EIF4E1B: variants seen among roughly 807,000 people sequenced by gnomAD.
The protein encoded by EIF4E1B is eukaryotic translation initiation factor 4E family member 1B, also known as eukaryotic translation initiation factor 4E type 1B.
Under a neutral mutation model 31.3 loss-of-function variants are expected in EIF4E1B, and 22 were observed. The ratio of observed to expected loss-of-function variants is 0.70; its 90% CI spans 0.50 to 1.00. EIF4E1B has a LOEUF of 1.00. EIF4E1B is among the 50% of genes least tolerant of loss of function. The pLI is 0.00. For missense variants in EIF4E1B, 290 were observed against 311.6 expected (o/e 0.93, Z 0.52); for synonymous variants, 126 against 120.2 (o/e 1.05, Z -0.31).
intron 1 of EIF4E1B, among the ~76,000 whole-genome samples, chr5:176,635,496 G>C (rs1000148037): frequency 3.3e-5 from 5 of 152,234 alleles, no homozygotes; most frequent in Non-Finnish European, 7.3e-5. Flanking sequence ...AGTCCAGAGT[G>C]TCGAGGTAAC....
intron 6 of EIF4E1B, chr5:176,644,656 A>T: frequency 1.8e-6 from 1 of 549,322 alleles, no homozygotes; most frequent in Non-Finnish European, 3.2e-6. Flanking sequence ...AGGCGGGAAG[A>T]GGGAGAGGGA....
Position 176,645,298 on chromosome 5 carries a change from G to A in EIF4E1B, c.474+55G>A, listed in dbSNP as rs1317185653. 1 of 1,580,424 alleles carries A rather than the reference G, an allele frequency of 6.3e-7. No individual in the cohort carries two copies. Among genetic ancestry groups the A allele is most frequent in the Non-Finnish European group, 8.6e-7 (1 of 1,158,774 alleles). On this transcript the variant is annotated intron_variant, in intron 7 of 8. Transcript: ENST00000318682. The surrounding 1 kb of genome is among the most constrained non-coding windows in gnomAD (Gnocchi z 5.4). ...AAGAGACGGGCTGTGTGGGTCTCATGGTGGCAGTGGTCTCAAGGATGGCAG... is the reference window on the plus strand; with the variant it reads ...AAGAGACGGGCTGTGTGGGTCTCATAGTGGCAGTGGTCTCAAGGATGGCAG...
At position 176,643,255 on chromosome 5, in the gene EIF4E1B, C is replaced by T. The variant is rs1222637588; in HGVS notation, c.189C>T (p.Pro63=). 1 of 1,612,136 alleles carries T rather than the reference C, an allele frequency of 6.2e-7. No individual in the cohort carries two copies. Among genetic ancestry groups the T allele is most frequent in the Non-Finnish European group, 8.5e-7 (1 of 1,179,806 alleles). Residue 63 remains proline (P), a synonymous_variant, in exon 4 of 9, where the codon CCC becomes CCT. Transcript: ENST00000318682. The part of the protein sequence containing the change: ...GPMEVKLELH[P]LQNRWALWFF... ...TGGAAGTCAAGCTGGAGCTGCACCC[C>T]TTGCAGAACAGGTAGGCAGGAGCCT...
chr5:176,631,802 C>G (rs933141591), intron 1 of EIF4E1B, among the ~76,000 whole-genome samples: 1 of 152,338 alleles, frequency 6.6e-6, no homozygotes, highest in South Asian at 2.1e-4. Flanking sequence ...AACAGCTCCC[C>G]TTCCAGGAAT....
chr5:176,637,263 ACT>A (rs1760510731), intron 1 of EIF4E1B, among the ~76,000 whole-genome samples: 1 of 152,060 alleles, frequency 6.6e-6, no homozygotes. Context: ...ACATGGTGAA[ACT>A]CTGTCTCTAT....
At chr5:176,641,899 C>T (rs1357360508) in intron 1 of EIF4E1B, 144 bp from the exon 2 acceptor site, 1 of 152,676 alleles carries the variant, frequency 6.5e-6, no homozygotes, top group Non-Finnish European at 1.5e-5. Flanking sequence ...TCCCAGTCCC[C>T]ACCCTCCCCA....
intron 1 of EIF4E1B, among the ~76,000 whole-genome samples, chr5:176,633,282 T>G (rs1299518542): frequency 6.6e-6 from 1 of 152,094 alleles, no homozygotes; most frequent in Admixed American, 6.6e-5. Flanking sequence ...CAGGCTGGAG[T>G]GCAGTGGCAC....
intron 1 of EIF4E1B, among the ~76,000 whole-genome samples, chr5:176,635,885 C>T (rs779691166): frequency 1.3e-5 from 2 of 151,906 alleles, no homozygotes; most frequent in Admixed American, 6.6e-5. Context: ...GGTGTAATCT[C>T]GGCTCACTGC....
intron 5 of EIF4E1B, 70 bp from the exon 6 acceptor site, chr5:176,644,306 G>A: frequency 6.7e-7 from 1 of 1,502,814 alleles, no homozygotes; most frequent in Admixed American, 2.1e-5. Flanking sequence ...GAGTTGGGAG[G>A]GCTGAACCCA....
In EIF4E1B at chr5:176,645,172, G is replaced by C; in HGVS notation, c.403G>C (p.Gly135Arg). ...PMWEDSRNKR[G>R]GRWLVSLAKQ... ...GTGGGAGGACAGCAGGAATAAACGG[G>C]GTGGCCGCTGGCTGGTCAGCCTGGC... Residue 135 changes from glycine (G) to arginine (R), a missense_variant, in exon 7 of 9, where the codon GGT becomes CGT. Gly to Arg is a moderately radical substitution (Grantham distance 125). Transcript: ENST00000318682. The surrounding 1 kb of genome is among the most constrained non-coding windows in gnomAD (Gnocchi z 5.4). The C allele has an allele frequency of 6.3e-7, 1 of 1,577,932 alleles. No individual in the cohort carries two copies. Among genetic ancestry groups the C allele is most frequent in the Non-Finnish European group, 8.6e-7 (1 of 1,161,944 alleles).
rs750550082 is a variant in EIF4E1B, at chr5:176,643,639, G to C, written c.201G>C (p.Arg67Ser). 1.0e-4 allele frequency: 166 copies of C among 1,604,748 alleles called. No individual in the cohort carries two copies. Among genetic ancestry groups the C allele is most frequent in the Non-Finnish European group, 1.4e-4 (162 of 1,175,740 alleles). Residue 67 changes from arginine to serine, a missense_variant and splice_region_variant, in exon 5 of 9, where the codon AGG (arginine) becomes AGC (serine). Coordinates refer to ENST00000318682, the MANE Select transcript of EIF4E1B (RefSeq NM_001099408.2). The part of the protein sequence containing the change: ...VKLELHPLQN[R>S]WALWFFKNDR... ...GGCTGCCTCCCCCTTCCCCTACCAGGTGGGCTCTGTGGTTCTTCAAGAATG... is the reference window on the plus strand; with the variant it reads ...GGCTGCCTCCCCCTTCCCCTACCAGCTGGGCTCTGTGGTTCTTCAAGAATG...
Position 176,645,537 on chromosome 5 carries a change from A to G in EIF4E1B, c.614+21A>G. On this transcript the variant is annotated intron_variant, in intron 8 of 8. Coordinates refer to ENST00000318682, the MANE Select transcript of EIF4E1B (RefSeq NM_001099408.2). The surrounding 1 kb of genome is among the most constrained non-coding windows in gnomAD (Gnocchi z 5.4). ...GTTGGGTGAGGAGGGTCTCTGGCAC[A>G]GGGTGGGGACTTGGGTCTCTGCTAG... 1 of 1,504,996 alleles carries G rather than the reference A, an allele frequency of 6.6e-7. No individual in the cohort carries two copies. The highest frequency in any genetic ancestry group is 8.9e-7 in the Non-Finnish European group (1 of 1,128,648). 93.2% of individuals were successfully genotyped at this position (1,504,996 alleles called of 1,614,324 possible).
rs371120970 is a variant in EIF4E1B, at chr5:176,642,651, C to T, written c.-78-59C>T. On this transcript the variant is annotated intron_variant, in intron 2 of 8. Coordinates refer to ENST00000318682, the MANE Select transcript of EIF4E1B (RefSeq NM_001099408.2). ...CCTCACATTCTGGGGTCACCCTCCACGGGATGCAGACCTTGCTTTCCCTTC... is the reference window on the plus strand; with the variant it reads ...CCTCACATTCTGGGGTCACCCTCCATGGGATGCAGACCTTGCTTTCCCTTC... 2.1e-5 allele frequency: 30 copies of T among 1,395,560 alleles called. 1 individual carries two copies. The highest frequency in any genetic ancestry group is 2.1e-4 in the South Asian group (15 of 70,842). The allele number at this position is 1,395,560 out of a possible 1,614,324, so 86.4% of individuals were successfully genotyped here. A position where few individuals can be genotyped will look rare whatever the true frequency, so the allele number is the denominator to read the frequency against.
chr5:176,640,333 C>T (rs964697481), intron 1 of EIF4E1B, among the ~76,000 whole-genome samples: 2 of 152,238 alleles, frequency 1.3e-5, no homozygotes, highest in African/African-American at 2.4e-5. Context: ...CCCTAGCTGA[C>T]CTCCCTTTGA....
rs1251638661 is a variant in EIF4E1B, at chr5:176,646,160, G to A, written c.*180G>A. 1 of 586,730 alleles carries A rather than the reference G, an allele frequency of 1.7e-6. No homozygotes were observed. The highest frequency in any genetic ancestry group is 3.1e-6 in the Non-Finnish European group (1 of 327,018). The allele number at this position is 586,730 out of a possible 1,614,324, so 36.3% of individuals were successfully genotyped here. A position where few individuals can be genotyped will look rare whatever the true frequency, so the allele number is the denominator to read the frequency against. On this transcript the variant is annotated 3_prime_UTR_variant, in exon 9 of 9. Transcript: ENST00000318682. ...GAGCCTTAGGGGCTAGATGGGGGTAGTGGTGGCAGTCTGAGGACCTAGCTT... is the reference window on the plus strand; with the variant it reads ...GAGCCTTAGGGGCTAGATGGGGGTAATGGTGGCAGTCTGAGGACCTAGCTT...
intron 1 of EIF4E1B, among the ~76,000 whole-genome samples, chr5:176,636,872 G>A (rs1760501572): frequency 6.6e-6 from 1 of 152,226 alleles, no homozygotes; most frequent in Admixed American, 6.5e-5. Flanking sequence ...TGCCTACTGG[G>A]TGCCGATATC....
chr5:176,643,534 C>A (rs1423059565), intron 4 of EIF4E1B, 105 bp from the exon 5 acceptor site: 3 of 1,102,760 alleles, frequency 2.7e-6, no homozygotes, highest in African/African-American at 3.1e-5. Context: ...AATCTCATCT[C>A]CCAGTTCGCC....
Position 176,638,235 on chromosome 5 carries a change from C to T in EIF4E1B, c.-201-3808C>T, listed in dbSNP as rs189592585. ...TTTCTGGTGGCGGCTAAGCATGTCA[C>T]TCTCTAAATGACATTTAATGCCCAT... On this transcript the variant is annotated intron_variant, in intron 1 of 8. Coordinates refer to ENST00000318682, the MANE Select transcript of EIF4E1B (RefSeq NM_001099408.2). The surrounding 1 kb of genome is among the most constrained non-coding windows in gnomAD (Gnocchi z 4.3). Among the ~76,000 whole-genome samples the T allele has an allele frequency of 6.6e-6, 1 of 152,298 alleles. No homozygotes were observed. The highest frequency in any genetic ancestry group is 6.5e-5 in the Admixed American group (1 of 15,296).
chr5:176,643,392 G>C, intron 4 of EIF4E1B, 126 bp downstream of exon 4: 1 of 1,253,408 alleles, frequency 8.0e-7, no homozygotes, highest in East Asian at 2.5e-5. Flanking sequence ...GGCCAGGGCT[G>C]ACCTAAGCCT....
Sources: gnomAD v4.1 joint callset for allele counts (sites outside exome capture counted in the v4.1 genomes callset) on GRCh38, gnomAD v4.1.1 for gene constraint, Gnocchi (gnomAD v3.1) non-coding constraint, MANE v1.5 for transcripts, NCBI Gene and HGNC (gene_info 2026-07-23, HGNC 2026-07-21) for gene names.